SMYD3: variants seen among roughly 807,000 people sequenced by gnomAD.
SMYD3 encodes histone-lysine N-methyltransferase SMYD3.
A neutral mutation model predicts 57.7 loss-of-function variants in SMYD3; 36 were observed. The observed-to-expected ratio is 0.62, with a 90% CI of 0.48 to 0.82. The LOEUF is 0.82. Ranked by LOEUF, SMYD3 falls within the 40% of genes least tolerant of loss-of-function variation. The pLI, the probability that SMYD3 is intolerant of heterozygous loss-of-function variation, is 0.00. For synonymous variants in SMYD3, 211 were observed against 195.0 expected (o/e 1.08, Z -0.68); for missense variants, 515 against 538.8 (o/e 0.96, Z 0.44).
chr1:245,775,414 C>A (rs899509450), intron 10 of SMYD3, among the ~76,000 whole-genome samples: 1 of 151,842 alleles, frequency 6.6e-6, no homozygotes, highest in African/African-American at 2.4e-5. Flanking sequence ...GACCTTACCC[C>A]CAACCCTGTG....
At chr1:246,193,484 G>A (rs561110121) in intron 5 of SMYD3, among the ~76,000 whole-genome samples, 3 of 152,232 alleles carry the variant, frequency 2.0e-5, no homozygotes, top group Admixed American at 6.5e-5. Context: ...AAGTCCCTAC[G>A]ACAAAAGAGG....
At chr1:246,265,311 T>G (rs74579184) in intron 5 of SMYD3, among the ~76,000 whole-genome samples, 35,314 of 152,030 alleles carry the variant, frequency 0.23, 5,165 homozygotes, top group Non-Finnish European at 0.32. Context: ...TTTGTATTTT[T>G]TTTTTTTGTA....
intron 5 of SMYD3, among the ~76,000 whole-genome samples, chr1:246,032,346 C>T (rs2059692213): frequency 6.6e-6 from 1 of 152,180 alleles, no homozygotes; most frequent in Non-Finnish European, 1.5e-5. Context: ...CACCTAACAC[C>T]TGGGAATCTC....
At chr1:245,825,864 T>C (rs12078521) in intron 10 of SMYD3, among the ~76,000 whole-genome samples, 78,397 of 147,950 alleles carry the variant, frequency 0.53, 24,959 homozygotes, top group Non-Finnish European at 0.73. Flanking sequence ...CCAAGGTCAC[T>C]GCCTGAGTAA....
At chr1:245,829,424 A>G (rs954292627) in intron 10 of SMYD3, among the ~76,000 whole-genome samples, 3 of 152,166 alleles carry the variant, frequency 2.0e-5, no homozygotes, top group African/African-American at 7.2e-5. Flanking sequence ...AATTGAAACC[A>G]CAGTGAGATA....
At chr1:246,475,034 T>A (rs1363076344) in intron 1 of SMYD3, among the ~76,000 whole-genome samples, 2 of 152,018 alleles carry the variant, frequency 1.3e-5, no homozygotes, top group Non-Finnish European at 2.9e-5. Context: ...AGTTTGTACT[T>A]GGTCGGGCGC....
chr1:246,006,161 A>G (rs907835591), intron 5 of SMYD3, among the ~76,000 whole-genome samples: 10 of 152,196 alleles, frequency 6.6e-5, no homozygotes, highest in Non-Finnish European at 2.9e-5. Context: ...GCTAAAAGAA[A>G]TCTAACCTAT....
In SMYD3 at chr1:246,339,578, A is replaced by G. The variant is rs1304001656; in HGVS notation, c.229-4104T>C. ...ACATGCCACACACATACACAAGAATATATTTTTAAACACATAGCCTAACAC... is the reference window on the plus strand; with the variant it reads ...ACATGCCACACACATACACAAGAATGTATTTTTAAACACATAGCCTAACAC... On this transcript the variant is annotated intron_variant, in intron 2 of 11. Transcript: ENST00000490107. 2.6e-5 allele frequency among the ~76,000 whole-genome samples: 4 copies of G among 152,184 alleles called. No homozygotes were observed. In the East Asian group the frequency reaches 5.8e-4, roughly 22 times the overall value.
At chr1:245,991,292 A>G (rs1466305462) in intron 5 of SMYD3, among the ~76,000 whole-genome samples, 2 of 152,204 alleles carry the variant, frequency 1.3e-5, no homozygotes, top group African/African-American at 2.4e-5. Context: ...ACATTAGTTC[A>G]TTAATGGTAA....
intron 1 of SMYD3, among the ~76,000 whole-genome samples, chr1:246,466,906 G>A (rs1020988552): frequency 2.0e-5 from 3 of 151,944 alleles, no homozygotes; most frequent in African/African-American, 7.3e-5. Flanking sequence ...AGTGGCTCAC[G>A]CCTGTAATCC....
chr1:245,889,460 C>T (rs2053260820), intron 8 of SMYD3, among the ~76,000 whole-genome samples: 1 of 152,150 alleles, frequency 6.6e-6, no homozygotes, highest in Admixed American at 6.5e-5. Context: ...AACCCTGCAG[C>T]CCTGAAGTTT....
chr1:246,143,126 TACACACAC>T (rs370332515), intron 5 of SMYD3, among the ~76,000 whole-genome samples: 19,063 of 146,042 alleles, frequency 0.13, 1,517 homozygotes, highest in Admixed American at 0.23. Flanking sequence ...GTATATTTAA[TACACACAC>T]ACACACACAC....
At chr1:245,968,068 T>C (rs974041816) in intron 5 of SMYD3, among the ~76,000 whole-genome samples, 2 of 152,168 alleles carry the variant, frequency 1.3e-5, no homozygotes, top group Admixed American at 6.5e-5. Context: ...ACGAAATACA[T>C]GAAAATCCAG....
rs569499482 is a variant in SMYD3, at chr1:245,951,215, T to TCA, written c.532-21279_532-21278insTG. ...GAGTCCACGGCAGCCGACAGCCTGT[T>TCA]ACCTTCCTTGGTTACAGAAAGATGC... is the stretch of plus-strand genomic sequence containing the variant. On this transcript the variant is annotated intron_variant, in intron 5 of 11. Transcript: ENST00000490107. 2.7e-4 allele frequency among the ~76,000 whole-genome samples: 41 copies of TCA among 152,166 alleles called. No individual in the cohort carries two copies. The South Asian group carries it at 8.3e-3, about 31-fold the overall frequency.
intron 7 of SMYD3, among the ~76,000 whole-genome samples, chr1:245,927,558 GC>G (rs766144971): frequency 5.9e-5 from 9 of 151,598 alleles, no homozygotes; most frequent in East Asian, 5.8e-4. Context: ...AAGCTGGGAT[GC>G]CCCCCCCTGC....
intron 1 of SMYD3, among the ~76,000 whole-genome samples, chr1:246,361,476 C>T (rs2065985817): frequency 6.6e-6 from 1 of 152,114 alleles, no homozygotes; most frequent in South Asian, 2.1e-4. Context: ...AGTCATTATA[C>T]AAAAAAGATA....
chr1:245,809,366 G>T (rs2048338664), intron 10 of SMYD3, among the ~76,000 whole-genome samples: 2 of 152,174 alleles, frequency 1.3e-5, no homozygotes, highest in Non-Finnish European at 2.9e-5. Flanking sequence ...TCGGGGATTT[G>T]TCTGTGTCTC....
intron 7 of SMYD3, among the ~76,000 whole-genome samples, chr1:245,921,413 G>A (rs1170074522): frequency 1.3e-5 from 2 of 152,046 alleles, no homozygotes; most frequent in East Asian, 3.9e-4. Flanking sequence ...TCCCATTACT[G>A]GGTATATACC....
intron 10 of SMYD3, among the ~76,000 whole-genome samples, chr1:245,817,808 T>C (rs1296206626): frequency 1.3e-5 from 2 of 151,848 alleles, no homozygotes; most frequent in African/African-American, 2.4e-5. Context: ...TGATGGAAGA[T>C]GAAATGAATG....
Sources: gnomAD v4.1 joint callset for allele counts (sites outside exome capture counted in the v4.1 genomes callset) on GRCh38, gnomAD v4.1.1 for gene constraint, MANE v1.5 for transcripts, NCBI Gene and HGNC (gene_info 2026-07-23, HGNC 2026-07-21) for gene names.